KIF13A: variants seen among roughly 807,000 people sequenced by gnomAD.
The protein encoded by KIF13A is kinesin-like protein KIF13A.
In KIF13A, 79 loss-of-function variants were observed where a neutral mutation model predicts 212.2. The observed-to-expected ratio is 0.37, with a 90% confidence interval of 0.31 to 0.45. KIF13A has a LOEUF of 0.45. Ranked by LOEUF, KIF13A falls within the 20% of genes least tolerant of loss-of-function variation. The probability of loss-of-function intolerance (pLI) is 1.00; values close to 1 mark genes in which losing one functional copy is unlikely to be tolerated. For synonymous variants in KIF13A, 789 were observed against 808.6 expected, an observed-to-expected ratio of 0.98 and a Z score of 0.41; for missense variants, 1,901 against 2,209.0, an observed-to-expected ratio of 0.86 and a Z score of 2.79.
At chr6:17,766,867 CA>C (rs1219685550) in intron 38 of KIF13A, among the ~76,000 whole-genome samples, 1 of 151,930 alleles carries the variant, frequency 6.6e-6, no homozygotes, top group Non-Finnish European at 1.5e-5. Context: ...CTATATACCT[CA>C]AAAAAAGTTT....
Position 17,800,040 on chromosome 6 carries a change from G to T in KIF13A, c.2528C>A (p.Ser843Tyr), listed in dbSNP as rs779813008. The T allele has an allele frequency of 6.2e-7, 1 of 1,613,888 alleles. No homozygotes were observed. The highest frequency in any genetic ancestry group is 1.3e-5 in the African/African-American group (1 of 74,932). Residue 843 changes from serine (S) to tyrosine (Y), a missense_variant, in exon 21 of 39, where the codon TCT becomes TAT. This residue lies in a region of KIF13A where 534 missense variants were observed against 536.9 expected (regional missense o/e 0.99). Coordinates refer to ENST00000259711, the MANE Select transcript of KIF13A (RefSeq NM_022113.6). ...AVPERVVEDD[S>Y]SENSSESGSL... Reference sequence around the variant, plus strand: ...CCCACTTTCACTGGAATTCTCCGAAGAGTCATCCTCCACCACACGCTCTGG... The same window carrying T: ...CCCACTTTCACTGGAATTCTCCGAATAGTCATCCTCCACCACACGCTCTGG...
intron 3 of KIF13A, 127 bp from the exon 4 acceptor site, chr6:17,873,564 T>C (rs1770219115): frequency 1.5e-6 from 1 of 667,666 alleles, no homozygotes; most frequent in South Asian, 1.9e-5. Context: ...AAAATCACTA[T>C]AGGTTTGGTG....
chr6:17,857,024 G>A (rs1176164225), intron 4 of KIF13A, among the ~76,000 whole-genome samples: 1 of 152,118 alleles, frequency 6.6e-6, no homozygotes, highest in Non-Finnish European at 1.5e-5. Flanking sequence ...AGTACAAAAT[G>A]CTTAATAAAT....
At chr6:17,804,541 G>A (rs772497179) in intron 19 of KIF13A, 31 bp from the exon 20 acceptor site, 16 of 1,517,870 alleles carry the variant, frequency 1.1e-5, no homozygotes, top group South Asian at 2.6e-5. Flanking sequence ...GTGAGTGGAC[G>A]AATAAGAAAC....
rs1351930568 is a variant in KIF13A, at chr6:17,987,257, A to G, written c.56-113T>C. The G allele has an allele frequency of 2.2e-6, 2 of 909,206 alleles. No homozygotes were observed. The highest frequency in any genetic ancestry group is 2.9e-6 in the Non-Finnish European group (2 of 690,782). 56.3% of individuals were successfully genotyped at this position (909,206 alleles called of 1,614,324 possible). A position where few individuals can be genotyped will look rare whatever the true frequency, so the allele number is the denominator to read the frequency against. On this transcript the variant is annotated intron_variant, in intron 1 of 38. Transcript: ENST00000259711. This position sits in a 1 kb window ranked among gnomAD's most constrained non-coding sequence, Gnocchi z 7.7. The stretch of plus-strand genomic sequence containing the variant: ...TCCCTGGAGGCGGCCGAGCCTGGAG[A>G]CGGCGCCCCGGGCACCACGGCCAGC...
Position 17,987,485 on chromosome 6 carries a change from G to C in KIF13A, c.-22C>G, listed in dbSNP as rs1428766916. 2.4e-6 allele frequency: 3 copies of C among 1,253,736 alleles called. No individual in the cohort carries two copies. Among genetic ancestry groups the C allele is most frequent in the Non-Finnish European group, 3.1e-6 (3 of 964,300 alleles). 77.7% of individuals were successfully genotyped at this position (1,253,736 alleles called of 1,614,324 possible). ...ACATGTTGGCTGCGCTCGCCCGGCC[G>C]CTCGCCGCGCCCGCTCGGCCTTAGG... On this transcript the variant is annotated 5_prime_UTR_variant, in exon 1 of 39. Coordinates refer to ENST00000259711, the MANE Select transcript of KIF13A (RefSeq NM_022113.6). The surrounding 1 kb of genome is among the most constrained non-coding windows in gnomAD (Gnocchi z 7.7).
chr6:17,951,467 T>A lies in KIF13A; in HGVS notation c.146+35587A>T, dbSNP rs191456636. The A allele has an allele frequency of 1.1e-3, 601 of 548,340 alleles. 7 individuals carry two copies. The highest frequency in any genetic ancestry group is 0.01 in the African/African-American group (515 of 51,454). 34.0% of individuals were successfully genotyped at this position (548,340 alleles called of 1,614,324 possible). ...AAAAAAAAAAAACAGCTTTAAGATATAATTTATATACCATACAATTTACCC... is the reference window on the plus strand; with the variant it reads ...AAAAAAAAAAAACAGCTTTAAGATAAAATTTATATACCATACAATTTACCC... On this transcript the variant is annotated intron_variant, in intron 2 of 38. Coordinates refer to ENST00000259711, the MANE Select transcript of KIF13A (RefSeq NM_022113.6). The surrounding 1 kb of genome is among the most constrained non-coding windows in gnomAD (Gnocchi z 4.9).
chr6:17,963,313 G>C lies in KIF13A; in HGVS notation c.146+23741C>G, dbSNP rs1376479119. Among the ~76,000 whole-genome samples, 2 of 152,178 alleles carry C rather than the reference G, an allele frequency of 1.3e-5. No homozygotes were observed. Among genetic ancestry groups the C allele is most frequent in the African/African-American group, 4.8e-5 (2 of 41,442 alleles). On this transcript the variant is annotated intron_variant, in intron 2 of 38. Transcript: ENST00000259711. This position sits in a 1 kb window ranked among gnomAD's most constrained non-coding sequence, Gnocchi z 4.1. ...GGCGCCTGTAGTCCCAGCTACTCGG[G>C]AGGCTGACGCAGGAGAATCACTTGA...
At chr6:17,976,897 C>T (rs981966354) in intron 2 of KIF13A, among the ~76,000 whole-genome samples, 5 of 151,088 alleles carry the variant, frequency 3.3e-5, no homozygotes, top group Non-Finnish European at 7.4e-5. Flanking sequence ...GTCAGGAGAT[C>T]GAGACCATCT....
intron 2 of KIF13A, among the ~76,000 whole-genome samples, chr6:17,903,220 T>C (rs1489840167): frequency 6.6e-6 from 1 of 152,232 alleles, no homozygotes; most frequent in Non-Finnish European, 1.5e-5. Flanking sequence ...TTTATGGCAG[T>C]ACTTTTCAGA....
chr6:17,941,386 T>G (rs553895643), intron 2 of KIF13A, among the ~76,000 whole-genome samples: 1 of 152,344 alleles, frequency 6.6e-6, no homozygotes, highest in Non-Finnish European at 1.5e-5. Context: ...GCTATTGTTA[T>G]GAATGGAATC....
rs1778819802 is a variant in KIF13A at position 17,961,592 on chromosome 6, T to C, written c.146+25462A>G. Among the ~76,000 whole-genome samples, 1 of 152,222 alleles carries C rather than the reference T, an allele frequency of 6.6e-6. No homozygotes were observed. The highest frequency in any genetic ancestry group is 2.1e-4 in the South Asian group (1 of 4,832). On this transcript the variant is annotated intron_variant, in intron 2 of 38. Transcript: ENST00000259711. The surrounding 1 kb of genome is among the most constrained non-coding windows in gnomAD (Gnocchi z 4.1). ...AGATGTTATTGAAGATATTGTTCTC[T>C]AAATAACACTAAAAGGACAGAAAGA...
At chr6:17,950,654 G>A in intron 2 of KIF13A, 1 of 985,128 alleles carries the variant, frequency 1.0e-6, no homozygotes, top group Non-Finnish European at 1.2e-6. Flanking sequence ...CTCAATCTGA[G>A]GAATTCAACT....
At chr6:17,907,639 G>A (rs540899488) in intron 2 of KIF13A, among the ~76,000 whole-genome samples, 1 of 152,032 alleles carries the variant, frequency 6.6e-6, no homozygotes, top group East Asian at 1.9e-4. Context: ...AGGAAACTGA[G>A]GGCCACTGAA....
At chr6:17,952,779 A>T (rs1777982444) in intron 2 of KIF13A, among the ~76,000 whole-genome samples, 2 of 151,768 alleles carry the variant, frequency 1.3e-5, no homozygotes, top group Admixed American at 1.3e-4. Flanking sequence ...AAATACAAAA[A>T]ATTAGCCAGG....
At position 17,982,002 on chromosome 6, in the gene KIF13A, T is replaced by C. The variant is rs1781131504; in HGVS notation, c.146+5052A>G. The stretch of plus-strand genomic sequence containing the variant: ...AAACTTGCAATATTTACAGACTGAA[T>C]AGCCCTTATCTAAAATGCTTGGGAC... On this transcript the variant is annotated intron_variant, in intron 2 of 38. Transcript: ENST00000259711. The surrounding 1 kb of genome is among the most constrained non-coding windows in gnomAD (Gnocchi z 5.1). 6.6e-6 allele frequency among the ~76,000 whole-genome samples: 1 copy of C among 152,280 alleles called. No homozygotes were observed. The highest frequency in any genetic ancestry group is 2.4e-5 in the African/African-American group (1 of 41,554).
Position 17,984,599 on chromosome 6 carries a change from T to TTTC in KIF13A, c.146+2454_146+2455insGAA. 1 of 907,032 alleles carries TTTC rather than the reference T, an allele frequency of 1.1e-6. No homozygotes were observed. The highest frequency in any genetic ancestry group is 1.3e-6 in the Non-Finnish European group (1 of 758,396). The allele number at this position is 907,032 out of a possible 1,614,324, so 56.2% of individuals were successfully genotyped here. A position where few individuals can be genotyped will look rare whatever the true frequency, so the allele number is the denominator to read the frequency against. On this transcript the variant is annotated intron_variant, in intron 2 of 38. Transcript: ENST00000259711. This position sits in a 1 kb window ranked among gnomAD's most constrained non-coding sequence, Gnocchi z 5.0. The stretch of plus-strand genomic sequence containing the variant: ...TGACCCCATCTGTTTTTTTTTTTTT[T>TTTC]CCCTGGACGTCAATGCATTCTCACT...
chr6:17,986,458 C>T (rs542473388), intron 2 of KIF13A, among the ~76,000 whole-genome samples: 54 of 152,356 alleles, frequency 3.5e-4, no homozygotes, highest in African/African-American at 1.3e-3. Flanking sequence ...CAGGGCCCTA[C>T]TTTTGTTTCT....
In KIF13A at chr6:17,777,256, T is replaced by A; in HGVS notation, c.4170+21A>T. On this transcript the variant is annotated intron_variant, in intron 34 of 38. Transcript: ENST00000259711. This position sits in a 1 kb window ranked among gnomAD's most constrained non-coding sequence, Gnocchi z 4.4. ...CTGCGACATGTCACATAGGAGCAGA[T>A]CCTTGGCAGGATGCACTTACATTAT... is the stretch of plus-strand genomic sequence containing the variant. The A allele has an allele frequency of 3.8e-6, 6 of 1,594,196 alleles. No homozygotes were observed. In the South Asian group the frequency reaches 5.6e-5, roughly 15 times the overall value.
Sources: allele counts gnomAD v4.1 joint callset (sites outside exome capture counted in the v4.1 genomes callset), GRCh38; gene constraint gnomAD v4.1.1; regional missense constraint gnomAD v4.1.1; non-coding constraint Gnocchi (gnomAD v3.1); transcripts MANE v1.5; gene names NCBI Gene and HGNC (gene_info 2026-07-23, HGNC 2026-07-21).